ZDHHC15: variants seen among roughly 807,000 people sequenced by gnomAD.
The protein encoded by ZDHHC15 is zDHHC palmitoyltransferase 15.
ZDHHC15 carries 19 observed loss-of-function variants against 31.7 expected under a neutral mutation model. That is an observed-to-expected ratio of 0.60 (90% CI 0.42 to 0.88). The LOEUF (loss-of-function observed/expected upper bound fraction) is 0.88. Among genes scored for constraint, ZDHHC15 ranks in the 40% least tolerant of loss-of-function variants. ZDHHC15 has a pLI of 0.00. For synonymous variants in ZDHHC15, 103 were observed against 90.0 expected, an observed-to-expected ratio of 1.14 and a Z score of -0.82; for missense variants, 209 against 251.2, an observed-to-expected ratio of 0.83 and a Z score of 1.14.
Position 75,454,753 on chromosome X carries a change from T to G in ZDHHC15, c.259-3831A>C, listed in dbSNP as rs943894672. Among the ~76,000 whole-genome samples the G allele has an allele frequency of 6.3e-5, 7 of 110,844 alleles. No individual in the cohort carries two copies. In the East Asian group the frequency reaches 1.1e-3, roughly 18 times the overall value. ...ACATTGTGCACATGTACCCTAGAAC[T>G]TAAAGTATAATAATAAAAAATAAAA... On this transcript the variant is annotated intron_variant, in intron 3 of 11. Coordinates refer to ENST00000373367, the MANE Select transcript of ZDHHC15 (RefSeq NM_144969.3).
chrX:75,519,027 T>C (rs1056994220), intron 1 of ZDHHC15, among the ~76,000 whole-genome samples: 3 of 108,345 alleles, frequency 2.8e-5, no homozygotes, highest in Non-Finnish European at 5.7e-5. Flanking sequence ...TGCAGATTAA[T>C]AATTGGCTAG....
At chrX:75,443,348 A>T (rs896129073) in intron 4 of ZDHHC15, among the ~76,000 whole-genome samples, 1 of 111,594 alleles carries the variant, frequency 9.0e-6, no homozygotes, top group Non-Finnish European at 1.9e-5. Context: ...GACAAACCTG[A>T]AAAAAAGAAG....
intron 1 of ZDHHC15, among the ~76,000 whole-genome samples, chrX:75,511,720 TG>T (rs1045917167): frequency 2.0e-5 from 2 of 100,515 alleles, no homozygotes; most frequent in African/African-American, 7.3e-5. Flanking sequence ...AAGGAGGAAC[TG>T]GTACCATTCC....
intron 10 of ZDHHC15, among the ~76,000 whole-genome samples, chrX:75,402,550 C>A (rs1488439590): frequency 1.8e-5 from 2 of 110,907 alleles, no homozygotes; most frequent in Non-Finnish European, 3.8e-5. Context: ...TCAGAAATGA[C>A]AAAGAGAATG....
intron 2 of ZDHHC15, among the ~76,000 whole-genome samples, chrX:75,504,506 T>G (rs1307933318): frequency 9.0e-6 from 1 of 111,026 alleles, no homozygotes; most frequent in Non-Finnish European, 1.9e-5. Context: ...CATTCCTAAA[T>G]TCATCTCTTA....
intron 2 of ZDHHC15, among the ~76,000 whole-genome samples, chrX:75,489,487 G>C (rs1377769248): frequency 8.9e-6 from 1 of 112,128 alleles, no homozygotes; most frequent in Non-Finnish European, 1.9e-5. Flanking sequence ...ACAGGGTCTA[G>C]AGTGGACCTC....
chrX:75,514,658 T>A (rs1467708164), intron 1 of ZDHHC15, among the ~76,000 whole-genome samples: 2 of 111,480 alleles, frequency 1.8e-5, no homozygotes. Context: ...TATGACAGAT[T>A]GCACCTGGAA....
intron 1 of ZDHHC15, among the ~76,000 whole-genome samples, chrX:75,514,999 C>T (rs1344567454): frequency 8.9e-6 from 1 of 111,742 alleles, no homozygotes; most frequent in East Asian, 2.8e-4. Context: ...TTCCTGGACA[C>T]ATACACCATC....
chrX:75,451,125 T>A (rs1432651009), intron 3 of ZDHHC15, among the ~76,000 whole-genome samples: 2 of 112,056 alleles, frequency 1.8e-5, no homozygotes, highest in African/African-American at 6.5e-5. Flanking sequence ...ATATGTGTAT[T>A]TTTTAATAAA....
At chrX:75,489,887 G>A in intron 2 of ZDHHC15, among the ~76,000 whole-genome samples, 1 of 111,953 alleles carries the variant, frequency 8.9e-6, no homozygotes, top group Non-Finnish European at 1.9e-5. Context: ...ATGCAGAGAA[G>A]TCCTTAAAGG....
intron 3 of ZDHHC15, among the ~76,000 whole-genome samples, chrX:75,469,703 G>A (rs2084471878): frequency 9.0e-6 from 1 of 111,428 alleles, no homozygotes; most frequent in East Asian, 2.8e-4. Flanking sequence ...CCATCTCTTT[G>A]AGACCTTGCT....
intron 1 of ZDHHC15, among the ~76,000 whole-genome samples, chrX:75,510,570 T>A (rs1412350747): frequency 1.9e-5 from 2 of 103,636 alleles, no homozygotes; most frequent in African/African-American, 3.5e-5. Context: ...TTATTATTAT[T>A]ATTATTATTA....
At chrX:75,383,734 G>GTTTTTTTTTTTTTTTTTTTTTTTTTTTTT (rs541238663) in intron 10 of ZDHHC15, among the ~76,000 whole-genome samples, 1 of 77,793 alleles carries the variant, frequency 1.3e-5, no homozygotes. Flanking sequence ...AGAAATGTTA[G>GTTTTTTTTTTTTTTTTTTTTTTTTTTTTT]GTTTTTTTTT....
In ZDHHC15 at chrX:75,426,188, C is replaced by T. The variant is rs762624837; in HGVS notation, c.604-1404G>A. 3.6e-5 allele frequency among the ~76,000 whole-genome samples: 4 copies of T among 112,137 alleles called. No homozygotes were observed. The East Asian group carries it at 1.1e-3, about 31-fold the overall frequency. ...GGGTTTTGCCTTGACTGTGTTTTTG[C>T]TTTCACAATCTTTAGTTTTTAAAGA... On this transcript the variant is annotated intron_variant, in intron 7 of 11. Transcript: ENST00000373367.
chrX:75,405,325 C>T (rs2083399925), intron 10 of ZDHHC15, among the ~76,000 whole-genome samples: 1 of 110,801 alleles, frequency 9.0e-6, no homozygotes, highest in Non-Finnish European at 1.9e-5. Flanking sequence ...AACAAATCCC[C>T]GTGACATGAG....
At chrX:75,467,302 T>C (rs1004170661) in intron 3 of ZDHHC15, among the ~76,000 whole-genome samples, 2 of 111,958 alleles carry the variant, frequency 1.8e-5, no homozygotes, top group African/African-American at 6.5e-5. Context: ...TATAGTACAC[T>C]GCACCTACTT....
chrX:75,411,782 T>TA (rs2083488234), intron 10 of ZDHHC15, among the ~76,000 whole-genome samples: 2 of 110,779 alleles, frequency 1.8e-5, no homozygotes, highest in African/African-American at 6.6e-5. Context: ...ATCCAAAATT[T>TA]AAAAAAAAGA....
intron 9 of ZDHHC15, among the ~76,000 whole-genome samples, chrX:75,421,398 A>ATT (rs1403378534): frequency 7.9e-5 from 2 of 25,357 alleles, no homozygotes; most frequent in East Asian, 1.4e-3. Context: ...ATATATATAT[A>ATT]TTATATATAT....
At chrX:75,487,507 C>T (rs1029647255) in intron 2 of ZDHHC15, among the ~76,000 whole-genome samples, 5 of 112,062 alleles carry the variant, frequency 4.5e-5, no homozygotes, top group Non-Finnish European at 9.4e-5. Context: ...GGGATCACCC[C>T]ATGGGACCAA....
Sources: gnomAD v4.1 joint callset for allele counts (sites outside exome capture counted in the v4.1 genomes callset) on GRCh38, gnomAD v4.1.1 for gene constraint, MANE v1.5 for transcripts, NCBI Gene and HGNC (gene_info 2026-07-23, HGNC 2026-07-21) for gene names.